The following NCMAP variants were observed in gnomAD, a reference collection of about 807,000 sequenced individuals.
The protein encoded by NCMAP is noncompact myelin-associated protein.
Under a neutral mutation model 7.8 loss-of-function variants are expected in NCMAP, and 8 were observed. The observed-to-expected ratio is 1.02, with a 90% CI of 0.60 to 1.84. The LOEUF (loss-of-function observed/expected upper bound fraction) is 1.84, where lower values mean the gene tolerates loss of function less well. NCMAP is among the 40% of genes most tolerant of loss of function. NCMAP has a pLI of 0.00. For synonymous variants in NCMAP, 41 were observed against 52.9 expected (o/e 0.78, Z 0.98); for missense variants, 112 against 131.4 (o/e 0.85, Z 0.72).
chr1:24,557,345 A>G (rs1367507096), intron 1 of NCMAP, among the ~76,000 whole-genome samples: 2 of 152,182 alleles, frequency 1.3e-5, no homozygotes, highest in Non-Finnish European at 2.9e-5. Flanking sequence ...AGAAGCCAAG[A>G]GCAACAGATT....
At chr1:24,564,103 C>T (rs888425571) in intron 1 of NCMAP, 4 of 152,040 alleles carry the variant, frequency 2.6e-5, no homozygotes, top group African/African-American at 9.7e-5. Flanking sequence ...TAATAGATGG[C>T]CTGAATATCA....
chr1:24,598,848 G>T (rs1054231919), intron 2 of NCMAP, among the ~76,000 whole-genome samples: 3 of 151,034 alleles, frequency 2.0e-5, no homozygotes, highest in African/African-American at 7.3e-5. Context: ...ATGTTAGCCA[G>T]GCTGGTCTCA....
chr1:24,561,269 TG>T lies in NCMAP; in HGVS notation c.-8+5105del, dbSNP rs940488393. 6.0e-5 allele frequency among the ~76,000 whole-genome samples: 9 copies of T among 149,444 alleles called. No individual in the cohort carries two copies. In the East Asian group the frequency reaches 1.8e-3, roughly 30 times the overall value. ...GGCTGAGGCAGGAGAATCACTTGAA[TG>T]GGGGAGGCGGAGGTTGCAGTGAGCC... On this transcript the variant is annotated intron_variant, in intron 1 of 3. Transcript: ENST00000374392.
At chr1:24,593,711 T>C (rs1398903304) in intron 1 of NCMAP, among the ~76,000 whole-genome samples, 1 of 152,102 alleles carries the variant, frequency 6.6e-6, no homozygotes, top group Non-Finnish European at 1.5e-5. Context: ...CTTCTTAAGA[T>C]TACAAACAAG....
intron 1 of NCMAP, among the ~76,000 whole-genome samples, chr1:24,583,878 C>T (rs563097501): frequency 6.6e-6 from 1 of 152,260 alleles, no homozygotes; most frequent in Admixed American, 6.5e-5. Context: ...TCAGCTCCTC[C>T]ACTGACCTGC....
intron 1 of NCMAP, among the ~76,000 whole-genome samples, chr1:24,591,819 A>G (rs993683021): frequency 2.2e-4 from 34 of 152,206 alleles, no homozygotes; most frequent in African/African-American, 7.5e-4. Context: ...TTAAGGGAGC[A>G]CAGAGAAGGG....
chr1:24,588,983 C>A (rs962547882), intron 1 of NCMAP, among the ~76,000 whole-genome samples: 2 of 152,134 alleles, frequency 1.3e-5, no homozygotes, highest in Non-Finnish European at 2.9e-5. Flanking sequence ...GCTGTGAAAT[C>A]GGATAGACCC....
chr1:24,605,505 T>G, intron 3 of NCMAP, 101 bp from the exon 4 acceptor site: 1 of 1,351,036 alleles, frequency 7.4e-7, no homozygotes, highest in Non-Finnish European at 1.0e-6. Flanking sequence ...ATGTCTACAT[T>G]AATCTACATT....
intron 1 of NCMAP, among the ~76,000 whole-genome samples, chr1:24,570,233 A>T (rs1297294933): frequency 6.6e-6 from 1 of 150,448 alleles, no homozygotes; most frequent in Non-Finnish European, 1.5e-5. Flanking sequence ...GGCGTGAGTC[A>T]CCATGCCCAG....
chr1:24,585,174 T>C lies in NCMAP; in HGVS notation c.-7-10250T>C, dbSNP rs542445793. On this transcript the variant is annotated intron_variant, in intron 1 of 3. Transcript: ENST00000374392. ...TTGGGAGCTGTGATACACAGAGCCA[T>C]GAACAGACAGGGCAGACGGGGTGGG... Among the ~76,000 whole-genome samples the C allele has an allele frequency of 5.9e-5, 9 of 152,120 alleles. No homozygotes were observed. In the East Asian group the frequency reaches 1.7e-3, roughly 29 times the overall value.
chr1:24,602,097 G>A (rs1652518598), intron 3 of NCMAP, among the ~76,000 whole-genome samples: 1 of 150,930 alleles, frequency 6.6e-6, no homozygotes, highest in Non-Finnish European at 1.5e-5. Context: ...AATAAGGAAA[G>A]CTGTTTCCAA....
chr1:24,561,928 AAAAG>A (rs1557591441), intron 1 of NCMAP, among the ~76,000 whole-genome samples: 19 of 152,044 alleles, frequency 1.2e-4, no homozygotes, highest in African/African-American at 1.9e-4. Context: ...AAAAAAAAGA[AAAAG>A]GAGGGAGGGA....
At chr1:24,580,233 C>A (rs1187973853) in intron 1 of NCMAP, among the ~76,000 whole-genome samples, 1 of 152,222 alleles carries the variant, frequency 6.6e-6, no homozygotes, top group Admixed American at 6.5e-5. Flanking sequence ...GGAGACACTA[C>A]ATTCTTAATT....
chr1:24,606,135 T>C lies in NCMAP; in HGVS notation c.*388T>C, dbSNP rs972801643. ...AATAGGATCTGTCACGGGGTTCATA[T>C]CAGATGAAGCGCCGTATCCACTGCT... On this transcript the variant is annotated 3_prime_UTR_variant, in exon 4 of 4. Transcript: ENST00000374392. 1 of 177,138 alleles carries C rather than the reference T, an allele frequency of 5.6e-6. No homozygotes were observed. The highest frequency in any genetic ancestry group is 5.9e-5 in the Admixed American group (1 of 16,826). 11.0% of individuals were successfully genotyped at this position (177,138 alleles called of 1,614,324 possible).
At chr1:24,597,617 G>GAGAGAGAAAGAAAGAAAGAA (rs1553157423) in intron 2 of NCMAP, among the ~76,000 whole-genome samples, 1 of 87,482 alleles carries the variant, frequency 1.1e-5, no homozygotes, top group Non-Finnish European at 2.2e-5. Flanking sequence ...AAGAAAGAAA[G>GAGAGAGAAAGAAAGAAAGAA]AGAAAGAAAG....
At chr1:24,602,169 C>G (rs924222715) in intron 3 of NCMAP, among the ~76,000 whole-genome samples, 1 of 152,066 alleles carries the variant, frequency 6.6e-6, no homozygotes, top group Non-Finnish European at 1.5e-5. Context: ...ACATAGGTTA[C>G]CCATACACAT....
At chr1:24,577,118 G>A (rs937817239) in intron 1 of NCMAP, among the ~76,000 whole-genome samples, 16 of 152,000 alleles carry the variant, frequency 1.1e-4, no homozygotes, top group South Asian at 1.0e-3. Context: ...AGGCCTGGGC[G>A]ACAGAGTGAG....
At chr1:24,571,476 A>AAAAG (rs1467533210) in intron 1 of NCMAP, among the ~76,000 whole-genome samples, 1 of 150,384 alleles carries the variant, frequency 6.6e-6, no homozygotes, top group Admixed American at 6.6e-5. Context: ...CTCTGTCTCA[A>AAAAG]AAAGAAAGAA....
chr1:24,599,612 C>G (rs1289605466), intron 2 of NCMAP, among the ~76,000 whole-genome samples: 1 of 152,148 alleles, frequency 6.6e-6, no homozygotes, highest in Non-Finnish European at 1.5e-5. Context: ...GAGTCTTGCT[C>G]TGTCGCCCAG....
Sources: allele counts gnomAD v4.1 joint callset (sites outside exome capture counted in the v4.1 genomes callset), GRCh38; gene constraint gnomAD v4.1.1; transcripts MANE v1.5; gene names NCBI Gene and HGNC (gene_info 2026-07-23, HGNC 2026-07-21).